Variants in HDGFL2 observed in about 807,000 individuals in gnomAD.
HDGFL2 encodes hepatoma-derived growth factor-related protein 2.
A neutral mutation model predicts 77.1 loss-of-function variants in HDGFL2; 36 were observed. That is an observed-to-expected ratio of 0.47 (90% CI 0.36 to 0.62). The LOEUF (loss-of-function observed/expected upper bound fraction) is 0.62. Among genes scored for constraint, HDGFL2 ranks in the 20% least tolerant of loss-of-function variants. The pLI is 0.00. For synonymous variants in HDGFL2, 463 were observed against 413.1 expected (o/e 1.12, Z -1.46); for missense variants, 976 against 973.4 (o/e 1.00, Z -0.04).
intron 3 of HDGFL2, among the ~76,000 whole-genome samples, chr19:4,480,446 T>A (rs1210059686): frequency 6.6e-6 from 1 of 151,966 alleles, no homozygotes; most frequent in Admixed American, 6.6e-5. Flanking sequence ...TTGGGAGGCG[T>A]AGTGGCTCAC....
At chr19:4,501,006 G>C in intron 14 of HDGFL2, among the ~76,000 whole-genome samples, 185 bp from the exon 15 acceptor site, 1 of 152,216 alleles carries the variant, frequency 6.6e-6, no homozygotes, top group East Asian at 1.9e-4. Context: ...GCTCGGGCTG[G>C]GGCTGGCTGC....
At position 4,494,456 on chromosome 19, in the gene HDGFL2, A is replaced by G; in HGVS notation, c.1205A>G (p.Glu402Gly). The change falls in exon 9 of 16, where the codon GAG becomes GGG. Residue 402 changes from glutamate to glycine, a missense_variant. Physicochemically the swap from Glu to Gly is moderately conservative, Grantham distance 98. This residue lies in a region of HDGFL2 where 567 missense variants were observed against 534.7 expected (regional missense o/e 1.06). Coordinates refer to ENST00000616600, the MANE Select transcript of HDGFL2 (RefSeq NM_001001520.3). ...CCGTCCTCCTCTGACTCCGAGCCCGAGGCCGAGCTGGAGAGAGAGGTGAGC... is the reference window on the plus strand; with the variant it reads ...CCGTCCTCCTCTGACTCCGAGCCCGGGGCCGAGCTGGAGAGAGAGGTGAGC... ...GPPSSSDSEP[E>G]AELEREAKKS... 7.2e-7 allele frequency: 1 copy of G among 1,396,600 alleles called. No homozygotes were observed. Among genetic ancestry groups the G allele is most frequent in the Non-Finnish European group, 9.3e-7 (1 of 1,080,320 alleles). 86.5% of individuals were successfully genotyped at this position (1,396,600 alleles called of 1,614,324 possible). A position where few individuals can be genotyped will look rare whatever the true frequency, so the allele number is the denominator to read the frequency against.
rs1304140687 is a variant in HDGFL2, at chr19:4,491,835, G to T, written c.678G>T (p.Lys226Asn). 3 of 1,612,892 alleles carry T rather than the reference G, an allele frequency of 1.9e-6. No individual in the cohort carries two copies. The highest frequency in any genetic ancestry group is 2.5e-6 in the Non-Finnish European group (3 of 1,179,104). The change falls in exon 6 of 16, where the codon AAG becomes AAT. Residue 226 changes from lysine (K) to asparagine (N), a missense_variant and splice_region_variant. Lys to Asn is a moderately conservative substitution (Grantham distance 94). This residue lies in a region of HDGFL2 where 567 missense variants were observed against 534.7 expected (regional missense o/e 1.06). Transcript: ENST00000616600. ...GCCCTCTGGGGGGACGGAAAAAAAA[G>T]GTAGCGTGCACTTGACTTTGTTTCC... is the stretch of plus-strand genomic sequence containing the variant. ...RRGPLGGRKK[K>N]KAPSASDSDS...
intron 1 of HDGFL2, among the ~76,000 whole-genome samples, chr19:4,474,349 C>A (rs1183656459): frequency 1.3e-5 from 2 of 152,074 alleles, no homozygotes; most frequent in Non-Finnish European, 2.9e-5. Flanking sequence ...TGAGGCATGC[C>A]GGGCTGGTCC....
chr19:4,499,819 A>C, intron 14 of HDGFL2, 115 bp downstream of exon 14: 1 of 868,624 alleles, frequency 1.2e-6, no homozygotes, highest in Non-Finnish European at 1.7e-6. Context: ...CAAACCTGCC[A>C]GAGTGTCATG....
At chr19:4,491,964 G>A (rs1975527444) in intron 6 of HDGFL2, 129 bp downstream of exon 6, 1 of 813,354 alleles carries the variant, frequency 1.2e-6, no homozygotes, top group East Asian at 2.6e-5. Context: ...TACCCGAGGG[G>A]ACCGCCTCTG....
In HDGFL2 at chr19:4,472,456, G is replaced by C. The variant is rs749211190; in HGVS notation, c.72+34G>C. 5 of 463,740 alleles carry C rather than the reference G, an allele frequency of 1.1e-5. No individual in the cohort carries two copies. The East Asian group carries it at 1.1e-4, about 11-fold the overall frequency. 28.7% of individuals were successfully genotyped at this position (463,740 alleles called of 1,614,324 possible). A position where few individuals can be genotyped will look rare whatever the true frequency, so the allele number is the denominator to read the frequency against. ...GCGCGGGAGATGGGGCCGGTGGGGGGGGGGGGGGGGGCAGCGGGGGCCCCG... is the reference window on the plus strand; with the variant it reads ...GCGCGGGAGATGGGGCCGGTGGGGGCGGGGGGGGGGGCAGCGGGGGCCCCG... On this transcript the variant is annotated intron_variant, in intron 1 of 15. Transcript: ENST00000616600.
At chr19:4,474,674 C>T (rs1215508567) in intron 1 of HDGFL2, among the ~76,000 whole-genome samples, 1 of 152,130 alleles carries the variant, frequency 6.6e-6, no homozygotes, top group Admixed American at 6.5e-5. Context: ...TCCCAGAGCA[C>T]TCGCTTTTCT....
At chr19:4,498,231 C>A in intron 11 of HDGFL2, 75 bp from the exon 12 acceptor site, 1 of 1,386,290 alleles carries the variant, frequency 7.2e-7, no homozygotes, top group South Asian at 1.2e-5. Context: ...CAGAGGCTCT[C>A]AGGCTCCTGC....
intron 3 of HDGFL2, among the ~76,000 whole-genome samples, chr19:4,478,812 G>A (rs1383393931): frequency 6.6e-6 from 1 of 151,644 alleles, no homozygotes; most frequent in Admixed American, 6.6e-5. Flanking sequence ...AGCCTCCCAA[G>A]TAGCTGGGAC....
At chr19:4,473,290 G>A (rs953171497) in intron 1 of HDGFL2, among the ~76,000 whole-genome samples, 1 of 151,222 alleles carries the variant, frequency 6.6e-6, no homozygotes, top group Non-Finnish European at 1.5e-5. Flanking sequence ...CGCTCTGGGG[G>A]TCTGGGGCTT....
At chr19:4,499,027 G>A (rs1308711462) in intron 13 of HDGFL2, 112 bp downstream of exon 13, 55 of 713,574 alleles carry the variant, frequency 7.7e-5, no homozygotes, top group Non-Finnish European at 9.9e-5. Context: ...CTGGGTCAGC[G>A]AGGAGGCCGT....
chr19:4,475,820 C>G (rs369687406), intron 3 of HDGFL2, among the ~76,000 whole-genome samples: 87 of 152,256 alleles, frequency 5.7e-4, no homozygotes, highest in Admixed American at 2.0e-3. Flanking sequence ...TGCCCAGTGT[C>G]CCCTGGGTGG....
chr19:4,483,618 G>A (rs1975279659), intron 3 of HDGFL2, among the ~76,000 whole-genome samples: 1 of 151,914 alleles, frequency 6.6e-6, no homozygotes, highest in Non-Finnish European at 1.5e-5. Context: ...TACTCTGCCT[G>A]TCCTTCCTGG....
rs747305046 is a variant in HDGFL2, at chr19:4,495,385, CAAAAAA to C, written c.1225-898_1225-893del. ...CCTGGGCCAGAGCGAGACTCCATCT[CAAAAAA>C]AAAAAAAAAAAAAAAAAATAGGCTC... On this transcript the variant is annotated intron_variant, in intron 9 of 15. Transcript: ENST00000616600. 5.3e-4 allele frequency among the ~76,000 whole-genome samples: 29 copies of C among 54,242 alleles called. No homozygotes were observed. The Middle Eastern group carries it at 0.054, about 100-fold the overall frequency. 35.6% of individuals were successfully genotyped at this position (54,242 alleles called of 152,430 possible). A position where few individuals can be genotyped will look rare whatever the true frequency, so the allele number is the denominator to read the frequency against.
intron 6 of HDGFL2, among the ~76,000 whole-genome samples, chr19:4,492,706 CTGTG>C (rs941055015): frequency 8.4e-5 from 11 of 131,170 alleles, no homozygotes; most frequent in African/African-American, 2.7e-4. Context: ...TATGTGTTGT[CTGTG>C]TGTGGTGTGT....
At chr19:4,493,127 T>TGTGTGTGTTGTCTGTGTCTGTGTG (rs1975585142) in intron 6 of HDGFL2, among the ~76,000 whole-genome samples, 1 of 121,746 alleles carries the variant, frequency 8.2e-6, no homozygotes, top group Non-Finnish European at 1.7e-5. Context: ...CTGTGTGTGG[T>TGTGTGTGTTGTCTGTGTCTGTGTG]GTGTGTGTTA....
chr19:4,485,733 C>A (rs1477534308), intron 3 of HDGFL2, among the ~76,000 whole-genome samples: 3 of 149,416 alleles, frequency 2.0e-5, no homozygotes, highest in Admixed American at 2.0e-4. Flanking sequence ...CAGAGCGAGA[C>A]TCCGTCTCAA....
At chr19:4,498,194 G>C in intron 11 of HDGFL2, 112 bp from the exon 12 acceptor site, 2 of 1,217,382 alleles carry the variant, frequency 1.6e-6, no homozygotes, top group Non-Finnish European at 2.4e-6. Context: ...TGAGCCTGCA[G>C]ACCTGGGGCC....
Sources: allele counts gnomAD v4.1 joint callset (sites outside exome capture counted in the v4.1 genomes callset), GRCh38; gene constraint gnomAD v4.1.1; regional missense constraint gnomAD v4.1.1; transcripts MANE v1.5; gene names NCBI Gene and HGNC (gene_info 2026-07-23, HGNC 2026-07-21).